Variants in STARD7 observed in about 807,000 individuals in gnomAD.
STARD7 encodes stAR-related lipid transfer protein 7, mitochondrial.
A neutral mutation model predicts 45.3 loss-of-function variants in STARD7; 30 were observed. The observed-to-expected ratio is 0.66, with a 90% CI of 0.50 to 0.90. The LOEUF (loss-of-function observed/expected upper bound fraction) is 0.90, where lower values mean the gene tolerates loss of function less well. STARD7 is among the 40% of genes least tolerant of loss of function. The pLI is 0.00. For missense variants in STARD7, 495 were observed against 491.3 expected, an observed-to-expected ratio of 1.01 and a Z score of -0.07; for synonymous variants, 199 against 183.0, an observed-to-expected ratio of 1.09 and a Z score of -0.70.
rs147320286 is a variant in STARD7 at position 96,207,716 on chromosome 2, T to G, written c.290+429A>C. On this transcript the variant is annotated intron_variant, in intron 1 of 7. Transcript: ENST00000337288. ...GCTCTCCTGGCTTTTCTCACAGGCC[T>G]GAGTCCCATCTGGATTGAAGTCATT... 1.8e-3 allele frequency among the ~76,000 whole-genome samples: 274 copies of G among 152,330 alleles called. 2 individuals carry two copies. Among genetic ancestry groups the G allele is most frequent in the African/African-American group, 6.4e-3 (267 of 41,560 alleles).
Position 96,186,578 on chromosome 2 carries a change from AAT to A in STARD7, c.*150_*151del. On this transcript the variant is annotated 3_prime_UTR_variant, in exon 8 of 8. Coordinates refer to ENST00000337288, the MANE Select transcript of STARD7 (RefSeq NM_020151.4). Reference sequence around the variant, plus strand: ...TTTGATAAGAGCAATAAGGGCTCTGAATGAAATGGGACATCAGTTATTGAATT... The same window carrying A: ...TTTGATAAGAGCAATAAGGGCTCTGAGAAATGGGACATCAGTTATTGAATT... 1 of 526,766 alleles carries A rather than the reference AAT, an allele frequency of 1.9e-6. No homozygotes were observed. Among genetic ancestry groups the A allele is most frequent in the Non-Finnish European group, 3.3e-6 (1 of 305,494 alleles). 32.6% of individuals were successfully genotyped at this position (526,766 alleles called of 1,614,324 possible).
At chr2:96,190,790 A>C (rs766450481) in intron 6 of STARD7, among the ~76,000 whole-genome samples, 3 of 152,110 alleles carry the variant, frequency 2.0e-5, no homozygotes, top group Non-Finnish European at 4.4e-5. Context: ...CTACAGGCAC[A>C]TATCACCATG....
chr2:96,189,461 CAGAA>C (rs1683090653), intron 6 of STARD7, among the ~76,000 whole-genome samples: 5 of 152,186 alleles, frequency 3.3e-5, no homozygotes, highest in African/African-American at 1.2e-4. Flanking sequence ...TCCCAGCACT[CAGAA>C]AGGCCGAGGC....
chr2:96,186,928 A>G lies in STARD7; in HGVS notation c.929-14T>C. 1 of 1,608,524 alleles carries G rather than the reference A, an allele frequency of 6.2e-7. No individual in the cohort carries two copies. Among genetic ancestry groups the G allele is most frequent in the Non-Finnish European group, 8.5e-7 (1 of 1,177,050 alleles). ...AATCTGGCATGCCTGTCAGGAGACG[A>G]GAATCAGGTTAAGCTGACATACAAA... On this transcript the variant is annotated splice_polypyrimidine_tract_variant and intron_variant, in intron 7 of 7. Coordinates refer to ENST00000337288, the MANE Select transcript of STARD7 (RefSeq NM_020151.4).
Position 96,208,719 on chromosome 2 carries a change from C to G in STARD7, c.-285G>C, listed in dbSNP as rs1683453679. 2.4e-6 allele frequency: 1 copy of G among 408,532 alleles called. No homozygotes were observed. The highest frequency in any genetic ancestry group is 4.3e-6 in the Non-Finnish European group (1 of 231,054). The allele number at this position is 408,532 out of a possible 1,614,324, so 25.3% of individuals were successfully genotyped here. A position where few individuals can be genotyped will look rare whatever the true frequency, so the allele number is the denominator to read the frequency against. Reference sequence around the variant, plus strand: ...ACCAGTCAGCCCTGTGGCTCCTCGGCGACCTCCAGCGGGCGCCCGGGGCCG... The same window carrying G: ...ACCAGTCAGCCCTGTGGCTCCTCGGGGACCTCCAGCGGGCGCCCGGGGCCG... On this transcript the variant is annotated 5_prime_UTR_variant, in exon 1 of 8. Coordinates refer to ENST00000337288, the MANE Select transcript of STARD7 (RefSeq NM_020151.4).
Position 96,187,267 on chromosome 2 carries a change from T to C in STARD7, c.878A>G (p.Asn293Ser), listed in dbSNP as rs1159951960. The change falls in exon 7 of 8, where the codon AAT becomes AGT. Residue 293 changes from asparagine to serine, a missense_variant. Asn to Ser is a conservative substitution (Grantham distance 46, BLOSUM62 1). This residue lies in a region of STARD7 where 213 missense variants were observed against 271.2 expected (regional missense o/e 0.79). Coordinates refer to ENST00000337288, the MANE Select transcript of STARD7 (RefSeq NM_020151.4). Reference protein sequence around the residue: ...GFDYLLTYSDNPQTVFPRYCV... With the variant: ...GFDYLLTYSDSPQTVFPRYCV... ...GTAGCGAGGAAACACCGTTTGGGGATTGTCACTGTATGTTAGTAAGTAGTC... is the reference window on the plus strand; with the variant it reads ...GTAGCGAGGAAACACCGTTTGGGGACTGTCACTGTATGTTAGTAAGTAGTC... The C allele has an allele frequency of 1.9e-6, 3 of 1,613,742 alleles. No individual in the cohort carries two copies. Among genetic ancestry groups the C allele is most frequent in the Non-Finnish European group, 1.7e-6 (2 of 1,179,810 alleles).
chr2:96,200,644 A>G (rs1267334826), intron 1 of STARD7, among the ~76,000 whole-genome samples: 2 of 152,188 alleles, frequency 1.3e-5, no homozygotes, highest in Non-Finnish European at 2.9e-5. Flanking sequence ...GAAACATTTT[A>G]TAATAATAAT....
intron 1 of STARD7, among the ~76,000 whole-genome samples, chr2:96,197,659 C>A (rs1683244763): frequency 6.6e-6 from 1 of 152,164 alleles, no homozygotes; most frequent in African/African-American, 2.4e-5. Flanking sequence ...CAAGGTTGTG[C>A]AACCATCACC....
chr2:96,206,137 T>G (rs970576473), intron 1 of STARD7, among the ~76,000 whole-genome samples: 2 of 152,130 alleles, frequency 1.3e-5, no homozygotes, highest in African/African-American at 4.8e-5. Context: ...TGGTCTGATC[T>G]CTCTGCCATG....
intron 1 of STARD7, 44 bp from the exon 2 acceptor site, chr2:96,195,593 C>T (rs913187537): frequency 3.3e-6 from 5 of 1,510,022 alleles, no homozygotes; most frequent in Non-Finnish European, 4.6e-6. Context: ...TTAGTCAGCC[C>T]TGTGAAATGA....
chr2:96,188,407 C>T (rs529375554), intron 6 of STARD7, among the ~76,000 whole-genome samples: 1 of 149,546 alleles, frequency 6.7e-6, no homozygotes, highest in East Asian at 2.1e-4. Flanking sequence ...TCCCCAGTAG[C>T]TGAGATTACA....
chr2:96,200,371 C>T (rs1683286396), intron 1 of STARD7, among the ~76,000 whole-genome samples: 1 of 152,060 alleles, frequency 6.6e-6, no homozygotes, highest in Non-Finnish European at 1.5e-5. Flanking sequence ...GACTCACCGG[C>T]TGCAAAAAGT....
At chr2:96,197,121 T>TAAAATAAAATA (rs1182018636) in intron 1 of STARD7, among the ~76,000 whole-genome samples, 1 of 136,384 alleles carries the variant, frequency 7.3e-6, no homozygotes, top group African/African-American at 2.7e-5. Flanking sequence ...TAAAATAAAA[T>TAAAATAAAATA]AAAGCCAAGC....
chr2:96,190,869 A>G (rs1285730691), intron 6 of STARD7, among the ~76,000 whole-genome samples: 4 of 152,006 alleles, frequency 2.6e-5, no homozygotes, highest in Non-Finnish European at 1.5e-5. Context: ...CTGTTTTACA[A>G]ATTTCTTACT....
chr2:96,193,318 A>T lies in STARD7; in HGVS notation c.584T>A (p.Leu195Gln). The T allele has an allele frequency of 6.2e-7, 1 of 1,613,828 alleles. No individual in the cohort carries two copies. The highest frequency in any genetic ancestry group is 8.5e-7 in the Non-Finnish European group (1 of 1,179,742). The change falls in exon 4 of 8, where the codon CTG becomes CAG. Residue 195 changes from leucine to glutamine, a missense_variant. By Grantham distance (113) the Leu-to-Gln change is moderately radical. This residue lies in a region of STARD7 where 213 missense variants were observed against 271.2 expected (regional missense o/e 0.79). Coordinates refer to ENST00000337288, the MANE Select transcript of STARD7 (RefSeq NM_020151.4). ...CTCAATCACCTCCAGCTTGATTACC[A>T]GGGCATCCCATTTTTTTCTATACTC... Reference protein sequence around the residue: ...DTEYRKKWDALVIKLEVIERD... With the variant: ...DTEYRKKWDAQVIKLEVIERD...
rs1172103571 is a variant in STARD7 at position 96,208,216 on chromosome 2, A to C, written c.219T>G (p.Ser73=). The C allele has an allele frequency of 6.2e-7, 1 of 1,612,622 alleles. No individual in the cohort carries two copies. The highest frequency in any genetic ancestry group is 2.2e-5 in the East Asian group (1 of 44,826). ...RRLHGRPGHA[S]ALMAALAGVF... ...CGCCGGCTAACGCCGCCATCAAGGCAGAGGCATGGCCAGGACGGCCGTGCA... is the reference window on the plus strand; with the variant it reads ...CGCCGGCTAACGCCGCCATCAAGGCCGAGGCATGGCCAGGACGGCCGTGCA... The change falls in exon 1 of 8, where the codon TCT becomes TCG. Residue 73 remains serine (S), a synonymous_variant. Transcript: ENST00000337288.
At chr2:96,201,970 T>G (rs1683311310) in intron 1 of STARD7, among the ~76,000 whole-genome samples, 1 of 152,168 alleles carries the variant, frequency 6.6e-6, no homozygotes, top group Non-Finnish European at 1.5e-5. Flanking sequence ...ATTTTACCTT[T>G]AAAGTGAGGA....
At chr2:96,197,105 A>AAACTAAACC (rs1558735872) in intron 1 of STARD7, among the ~76,000 whole-genome samples, 1 of 141,490 alleles carries the variant, frequency 7.1e-6, no homozygotes, top group African/African-American at 2.5e-5. Context: ...ATAAAATAAA[A>AAACTAAACC]TAAAATAAAA....
At chr2:96,192,603 T>C in intron 5 of STARD7, 135 bp from the exon 6 acceptor site, 1 of 683,666 alleles carries the variant, frequency 1.5e-6, no homozygotes, top group South Asian at 1.7e-5. Context: ...GTCACTAAGA[T>C]GAATAAATAC....
Sources: gnomAD v4.1 joint callset for allele counts (sites outside exome capture counted in the v4.1 genomes callset) on GRCh38, gnomAD v4.1.1 for gene constraint, gnomAD v4.1.1 regional missense constraint, MANE v1.5 for transcripts, NCBI Gene and HGNC (gene_info 2026-07-23, HGNC 2026-07-21) for gene names.